The following KMT5A variants were observed in gnomAD, a reference collection of about 807,000 sequenced individuals.
The protein encoded by KMT5A is N-lysine methyltransferase KMT5A.
A neutral mutation model predicts 40.6 loss-of-function variants in KMT5A; 6 were observed. The ratio of observed to expected loss-of-function variants is 0.15; its 90% CI spans 0.08 to 0.29. The LOEUF (loss-of-function observed/expected upper bound fraction) is 0.29, where lower values mean the gene tolerates loss of function less well. Among genes scored for constraint, KMT5A ranks in the 10% least tolerant of loss-of-function variants. KMT5A has a pLI of 1.00. For missense variants in KMT5A, 308 were observed against 459.1 expected (o/e 0.67, Z 3.01); for synonymous variants, 153 against 178.8 (o/e 0.86, Z 1.15).
At chr12:123,391,317 C>G (rs1877304313) in intron 3 of KMT5A, 1 of 154,886 alleles carries the variant, frequency 6.5e-6, no homozygotes, top group South Asian at 1.9e-4. Flanking sequence ...GCTGCAGCCT[C>G]CTGAGTAGCT....
chr12:123,402,540 A>G lies in KMT5A; in HGVS notation c.598-1033A>G, dbSNP rs150182734. On this transcript the variant is annotated intron_variant, in intron 5 of 7. Coordinates refer to ENST00000402868, the MANE Select transcript of KMT5A (RefSeq NM_020382.7). Reference sequence around the variant, plus strand: ...GTGCCATCTGGTTTGGTGAAAGTCTATGCCGTCAAGACATGCTGGTTTGGG... The same window carrying G: ...GTGCCATCTGGTTTGGTGAAAGTCTGTGCCGTCAAGACATGCTGGTTTGGG... 2.0e-4 allele frequency among the ~76,000 whole-genome samples: 31 copies of G among 152,154 alleles called. 1 individual carries two copies. The highest frequency in any genetic ancestry group is 4.2e-4 in the South Asian group (2 of 4,816).
At chr12:123,406,309 T>TTTTTA (rs201328891) in intron 7 of KMT5A, among the ~76,000 whole-genome samples, 1 of 152,104 alleles carries the variant, frequency 6.6e-6, no homozygotes, top group African/African-American at 2.4e-5. Context: ...AATTTTTTAT[T>TTTTTA]TTTTATTTTA....
At chr12:123,385,766 T>C (rs965468960) in intron 1 of KMT5A, among the ~76,000 whole-genome samples, 8 of 151,990 alleles carry the variant, frequency 5.3e-5, no homozygotes, top group Non-Finnish European at 5.9e-5. Context: ...CAGGGAGAAT[T>C]GCCTGAACCT....
At chr12:123,398,134 T>C (rs1877876635) in intron 5 of KMT5A, among the ~76,000 whole-genome samples, 1 of 151,832 alleles carries the variant, frequency 6.6e-6, no homozygotes, top group African/African-American at 2.4e-5. Context: ...ATACAAAAAT[T>C]AGCCAGGCAT....
chr12:123,404,519 C>G (rs538565270), intron 6 of KMT5A, among the ~76,000 whole-genome samples: 1 of 152,342 alleles, frequency 6.6e-6, no homozygotes, highest in African/African-American at 2.4e-5. Flanking sequence ...GTGTCACTGT[C>G]TAGCTGTGTG....
intron 7 of KMT5A, among the ~76,000 whole-genome samples, chr12:123,406,416 G>C (rs1222228063): frequency 1.3e-5 from 2 of 152,140 alleles, no homozygotes; most frequent in Admixed American, 1.3e-4. Context: ...CGAAGTTTAA[G>C]CAATTCTCCT....
At position 123,384,398 on chromosome 12, in the gene KMT5A, C is replaced by T. The variant is rs1398502246; in HGVS notation, c.10+190C>T. On this transcript the variant is annotated intron_variant, in intron 1 of 7. Transcript: ENST00000402868. The surrounding 1 kb of genome is among the most constrained non-coding windows in gnomAD (Gnocchi z 5.7). Reference sequence around the variant, plus strand: ...GGCCCCCCCTTGCGGCTCCAGATGCCCCCAGAAACCCTTCCCACTGCCGTG... The same window carrying T: ...GGCCCCCCCTTGCGGCTCCAGATGCTCCCAGAAACCCTTCCCACTGCCGTG... 6.6e-6 allele frequency among the ~76,000 whole-genome samples: 1 copy of T among 152,186 alleles called. No homozygotes were observed. Among genetic ancestry groups the T allele is most frequent in the Non-Finnish European group, 1.5e-5 (1 of 68,024 alleles).
rs757477341 is a variant in KMT5A, at chr12:123,404,920, G to A, written c.694G>A (p.Ala232Thr). ...LIDGKGRGVI[A>T]TKQFSRGDFV... is the part of the protein sequence containing the mutation. The stretch of plus-strand genomic sequence containing the variant: ...CGATGGCAAAGGCAGGGGTGTGATT[G>A]CCACCAAGCAGTTCTCCCGGGGTGA... Residue 232 changes from alanine to threonine, a missense_variant, in exon 7 of 8, where the codon GCC becomes ACC. Transcript: ENST00000402868. 14 of 1,613,156 alleles carry A rather than the reference G, an allele frequency of 8.7e-6. No homozygotes were observed. The highest frequency in any genetic ancestry group is 3.3e-5 in the Admixed American group (2 of 59,982).
intron 7 of KMT5A, 143 bp from the exon 8 acceptor site, chr12:123,407,348 AAG>A (rs1878632032): frequency 3.4e-6 from 3 of 870,198 alleles, no homozygotes; most frequent in Non-Finnish European, 5.3e-6. Flanking sequence ...AAAAAGGAAA[AAG>A]AAAATAGCTT....
At position 123,407,634 on chromosome 12, in the gene KMT5A, G is replaced by A; in HGVS notation, c.990G>A (p.Glu330=). Residue 330 remains glutamate, a synonymous_variant, in exon 8 of 8, where the codon GAG becomes GAA. Coordinates refer to ENST00000402868, the MANE Select transcript of KMT5A (RefSeq NM_020382.7). The part of the protein sequence containing the change: ...LIASRDIAAG[E]ELLYDYGDRS... Reference sequence around the variant, plus strand: ...CCTCCCGAGACATCGCGGCTGGGGAGGAGCTCCTGTATGACTATGGGGACC... The same window carrying A: ...CCTCCCGAGACATCGCGGCTGGGGAAGAGCTCCTGTATGACTATGGGGACC... 1 of 1,613,806 alleles carries A rather than the reference G, an allele frequency of 6.2e-7. No individual in the cohort carries two copies. The highest frequency in any genetic ancestry group is 1.1e-5 in the South Asian group (1 of 91,030).
At chr12:123,403,418 GCCATCACTGGGGAC>G (rs1231466491) in intron 5 of KMT5A, among the ~76,000 whole-genome samples, 141 bp from the exon 6 acceptor site, 1 of 152,236 alleles carries the variant, frequency 6.6e-6, no homozygotes. Context: ...TGGGGGCTTT[GCCATCACTGGGGAC>G]CCATCATCCC....
intron 5 of KMT5A, among the ~76,000 whole-genome samples, chr12:123,400,025 G>A (rs149559734): frequency 9.1e-4 from 138 of 152,182 alleles, no homozygotes; most frequent in Middle Eastern, 3.4e-3. Context: ...GTTTCACTGC[G>A]TTGGCCAGGC....
chr12:123,389,555 G>T lies in KMT5A; in HGVS notation c.132+1G>T. ...CCCGGGGAGGCCCCGCACCGACGGG[G>T]TAAGCAGGCACCCTCCCCGCACCCC... On this transcript the variant is annotated splice_donor_variant, in intron 2 of 7. Coordinates refer to ENST00000402868, the MANE Select transcript of KMT5A (RefSeq NM_020382.7). LOFTEE classifies it high-confidence loss of function. 9.2e-7 allele frequency: 1 copy of T among 1,088,572 alleles called. No homozygotes were observed. The highest frequency in any genetic ancestry group is 1.1e-6 in the Non-Finnish European group (1 of 897,634). The allele number at this position is 1,088,572 out of a possible 1,614,324, so 67.4% of individuals were successfully genotyped here. A position where few individuals can be genotyped will look rare whatever the true frequency, so the allele number is the denominator to read the frequency against.
chr12:123,402,896 TCTG>T, intron 5 of KMT5A, among the ~76,000 whole-genome samples: 1 of 152,302 alleles, frequency 6.6e-6, no homozygotes, highest in Non-Finnish European at 1.5e-5. Context: ...CAGCCTCTGA[TCTG>T]CTGTACCCGA....
At chr12:123,402,921 C>A (rs1878285241) in intron 5 of KMT5A, among the ~76,000 whole-genome samples, 1 of 152,120 alleles carries the variant, frequency 6.6e-6, no homozygotes, top group Non-Finnish European at 1.5e-5. Flanking sequence ...TTTCTTTTTT[C>A]TTTTTAAGGT....
At chr12:123,395,296 CGTG>C (rs1566077008) in intron 4 of KMT5A, 30 bp downstream of exon 4, 1 of 1,598,962 alleles carries the variant, frequency 6.3e-7, no homozygotes, top group Non-Finnish European at 8.5e-7. Flanking sequence ...CTCTTCCTAA[CGTG>C]GAGCAGTTTG....
At chr12:123,399,857 A>G (rs369074240) in intron 5 of KMT5A, among the ~76,000 whole-genome samples, 2 of 152,072 alleles carry the variant, frequency 1.3e-5, no homozygotes, top group African/African-American at 4.8e-5. Flanking sequence ...AGAGTCTCAC[A>G]CTGTCACCTA....
At chr12:123,394,562 TG>T (rs1018310057) in intron 3 of KMT5A, among the ~76,000 whole-genome samples, 2 of 152,204 alleles carry the variant, frequency 1.3e-5, no homozygotes, top group African/African-American at 4.8e-5. Flanking sequence ...GCTGTGAACC[TG>T]GGGCTTCAAC....
intron 3 of KMT5A, among the ~76,000 whole-genome samples, chr12:123,393,406 C>T (rs1453465141): frequency 6.6e-6 from 1 of 152,148 alleles, no homozygotes; most frequent in East Asian, 1.9e-4. Context: ...TACTTTCTGT[C>T]TCTGTGGATT....
Sources: allele counts gnomAD v4.1 joint callset (sites outside exome capture counted in the v4.1 genomes callset), GRCh38; gene constraint gnomAD v4.1.1; non-coding constraint Gnocchi (gnomAD v3.1); transcripts MANE v1.5; gene names NCBI Gene and HGNC (gene_info 2026-07-23, HGNC 2026-07-21).